Variants in APBB2 observed in about 807,000 individuals in gnomAD.
APBB2 encodes Fe65-like 1.
In APBB2, 38 loss-of-function variants were observed where a neutral mutation model predicts 82.5. The observed-to-expected ratio is 0.46, with a 90% confidence interval of 0.36 to 0.60. The LOEUF is 0.60. APBB2 is among the 20% of genes least tolerant of loss of function. The probability of loss-of-function intolerance (pLI) is 0.00; values close to 1 mark genes in which losing one functional copy is unlikely to be tolerated. For synonymous variants in APBB2, 341 were observed against 368.2 expected (o/e 0.93, Z 0.85); for missense variants, 772 against 972.3 (o/e 0.79, Z 2.74).
intron 6 of APBB2, among the ~76,000 whole-genome samples, chr4:40,971,696 T>C (rs1411687367): frequency 1.3e-5 from 2 of 152,240 alleles, no homozygotes; most frequent in Non-Finnish European, 2.9e-5. Flanking sequence ...AATTTAGTAC[T>C]AGAAAATGTT....
intron 2 of APBB2, among the ~76,000 whole-genome samples, chr4:41,102,974 A>G (rs1008413149): frequency 1.3e-5 from 2 of 152,240 alleles, no homozygotes; most frequent in East Asian, 1.9e-4. Context: ...AGGATTCTGC[A>G]TAATGTGGTT....
intron 5 of APBB2, among the ~76,000 whole-genome samples, chr4:41,026,146 A>G (rs1243708870): frequency 1.3e-5 from 2 of 152,084 alleles, no homozygotes; most frequent in Non-Finnish European, 2.9e-5. Flanking sequence ...AATGATAAGA[A>G]CTTACAAACA....
At chr4:41,176,448 T>C (rs1043030826) in intron 1 of APBB2, among the ~76,000 whole-genome samples, 2 of 152,018 alleles carry the variant, frequency 1.3e-5, no homozygotes, top group Non-Finnish European at 2.9e-5. Flanking sequence ...ACAGAAAGCA[T>C]ACTTCCAGCT....
At chr4:41,014,675 T>C (rs1316995550) in intron 5 of APBB2, among the ~76,000 whole-genome samples, 3 of 152,344 alleles carry the variant, frequency 2.0e-5, no homozygotes, top group African/African-American at 7.2e-5. Context: ...GCATTTCTCT[T>C]TGAATTCACA....
chr4:41,164,969 T>C (rs1766119039), intron 1 of APBB2, among the ~76,000 whole-genome samples: 1 of 152,210 alleles, frequency 6.6e-6, no homozygotes, highest in African/African-American at 2.4e-5. Flanking sequence ...AAGCTTTTAT[T>C]TTACAAAGGG....
intron 2 of APBB2, among the ~76,000 whole-genome samples, chr4:41,121,532 T>A (rs1005136754): frequency 3.3e-5 from 5 of 151,972 alleles, no homozygotes; most frequent in Admixed American, 2.6e-4. Context: ...AGCGACAGAG[T>A]TGGGATGCAG....
chr4:41,040,846 A>C (rs1168198108), intron 4 of APBB2, among the ~76,000 whole-genome samples: 1 of 152,182 alleles, frequency 6.6e-6, no homozygotes, highest in Non-Finnish European at 1.5e-5. Flanking sequence ...AGAAAAGCAA[A>C]ATAAAGCACA....
chr4:41,045,444 C>T (rs1723053838), intron 4 of APBB2, among the ~76,000 whole-genome samples: 1 of 152,120 alleles, frequency 6.6e-6, no homozygotes, highest in South Asian at 2.1e-4. Flanking sequence ...CAGGCACCCA[C>T]CACCAAGCCC....
intron 10 of APBB2, among the ~76,000 whole-genome samples, chr4:40,905,908 G>C (rs1776569593): frequency 6.6e-6 from 1 of 152,164 alleles, no homozygotes; most frequent in Admixed American, 6.5e-5. Flanking sequence ...GACCCCTTGT[G>C]TGGCTCGAGT....
chr4:40,845,426 A>AT (rs1414441240), intron 12 of APBB2, among the ~76,000 whole-genome samples: 1 of 152,062 alleles, frequency 6.6e-6, no homozygotes, highest in Admixed American at 6.6e-5. Flanking sequence ...TTAATTCCAC[A>AT]TGAGCCGCAC....
At chr4:40,822,215 T>C (rs750765379) in intron 16 of APBB2, 165 bp from the exon 17 acceptor site, 4 of 709,740 alleles carry the variant, frequency 5.6e-6, no homozygotes, top group East Asian at 2.7e-5. Flanking sequence ...GAAGAGGCCA[T>C]CACTGCATGG....
chr4:41,161,486 G>A (rs973043897), intron 1 of APBB2, among the ~76,000 whole-genome samples: 3 of 152,182 alleles, frequency 2.0e-5, no homozygotes, highest in African/African-American at 7.2e-5. Flanking sequence ...GGCACCTGCA[G>A]TGCCAGCTAC....
chr4:40,868,413 A>C (rs746537881), intron 12 of APBB2, among the ~76,000 whole-genome samples: 5 of 152,186 alleles, frequency 3.3e-5, no homozygotes, highest in Non-Finnish European at 4.4e-5. Flanking sequence ...GGGAAACTGC[A>C]TCATTGAAGC....
intron 16 of APBB2, among the ~76,000 whole-genome samples, chr4:40,822,746 A>T (rs1560608498): frequency 6.6e-6 from 1 of 152,200 alleles, no homozygotes; most frequent in Non-Finnish European, 1.5e-5. Context: ...TTGACTAATT[A>T]AATATTCACT....
At position 40,823,715 on chromosome 4, in the gene APBB2, A is replaced by C. The variant is rs1249472608; in HGVS notation, c.1861T>G (p.Ser621Ala). Reference sequence around the variant, plus strand: ...ACTGACAGCCAGTCCTCCTTGTTGGATGAGGTCATAAGATTTTCTATGGCA... The same window carrying C: ...ACTGACAGCCAGTCCTCCTTGTTGGCTGAGGTCATAAGATTTTCTATGGCA... ...NSAIENLMTS[S>A]NKEDWLSVNM... The change falls in exon 16 of 18, where the codon TCC becomes GCC. Residue 621 changes from serine (S) to alanine (A), a missense_variant. By Grantham distance (99) the Ser-to-Ala change is moderately conservative (BLOSUM62 1). Coordinates refer to ENST00000508593, the MANE Select transcript of APBB2 (RefSeq NM_004307.2). 1.2e-6 allele frequency: 2 copies of C among 1,613,914 alleles called. No homozygotes were observed. The highest frequency in any genetic ancestry group is 1.7e-5 in the Admixed American group (1 of 60,034).
chr4:40,863,220 G>C lies in APBB2; in HGVS notation c.1529+27144C>G, dbSNP rs141475867. ...AATAATGAAGTACATTCGGGACAAAGTGGCATGCATCTATACTCACAGCTA... is the reference window on the plus strand; with the variant it reads ...AATAATGAAGTACATTCGGGACAAACTGGCATGCATCTATACTCACAGCTA... On this transcript the variant is annotated intron_variant, in intron 12 of 17. Coordinates refer to ENST00000508593, the MANE Select transcript of APBB2 (RefSeq NM_004307.2). 2.7e-3 allele frequency among the ~76,000 whole-genome samples: 414 copies of C among 152,326 alleles called. 2 individuals are homozygous for C. The highest frequency in any genetic ancestry group is 9.5e-3 in the African/African-American group (396 of 41,570).
intron 12 of APBB2, among the ~76,000 whole-genome samples, chr4:40,878,816 G>C (rs1767592159): frequency 6.6e-6 from 1 of 152,080 alleles, no homozygotes; most frequent in African/African-American, 2.4e-5. Flanking sequence ...TCCATTTTAA[G>C]TCAACTCTCT....
intron 1 of APBB2, among the ~76,000 whole-genome samples, chr4:41,157,495 G>A (rs1763775816): frequency 6.6e-6 from 1 of 152,186 alleles, no homozygotes; most frequent in Non-Finnish European, 1.5e-5. Flanking sequence ...CTACCGATAG[G>A]TGGGAGAGTG....
intron 12 of APBB2, among the ~76,000 whole-genome samples, chr4:40,887,919 T>A (rs1459055656): frequency 6.6e-6 from 1 of 152,196 alleles, no homozygotes; most frequent in Admixed American, 6.5e-5. Flanking sequence ...GTAACCTAAT[T>A]CACACTGATT....
Sources: gnomAD v4.1 joint callset for allele counts (sites outside exome capture counted in the v4.1 genomes callset) on GRCh38, gnomAD v4.1.1 for gene constraint, MANE v1.5 for transcripts, NCBI Gene and HGNC (gene_info 2026-07-23, HGNC 2026-07-21) for gene names.